The following IL4R variants were observed in gnomAD, a reference collection of about 807,000 sequenced individuals.
IL4R encodes the protein interleukin-4 receptor subunit alpha.
In IL4R, 17 loss-of-function variants were observed where a neutral mutation model predicts 41.5. The ratio of observed to expected loss-of-function variants is 0.41; its 90% CI spans 0.28 to 0.61. IL4R has a LOEUF of 0.61. Ranked by LOEUF, IL4R falls within the 20% of genes least tolerant of loss-of-function variation. The pLI, the probability that IL4R is intolerant of heterozygous loss-of-function variation, is 0.31. For missense variants in IL4R, 974 were observed against 1,043.1 expected (o/e 0.93, Z 0.91); for synonymous variants, 402 against 422.9 (o/e 0.95, Z 0.61).
chr16:27,360,694 C>A lies in IL4R; in HGVS notation c.850-72C>A, dbSNP rs1055830674. 8 of 1,598,322 alleles carry A rather than the reference C, an allele frequency of 5.0e-6. No individual in the cohort carries two copies. In the African/African-American group the frequency reaches 9.4e-5, roughly 19 times the overall value. On this transcript the variant is annotated intron_variant, in intron 9 of 10. Coordinates refer to ENST00000395762, the MANE Select transcript of IL4R (RefSeq NM_000418.4). ...GTGATGTCGAGGCTTGTACCCCTTC[C>A]TGAGCATTGCCGTACTCCAGGCCGG...
intron 2 of IL4R, among the ~76,000 whole-genome samples, chr16:27,333,151 G>C (rs957444160): frequency 6.6e-6 from 1 of 151,362 alleles, no homozygotes; most frequent in African/African-American, 2.4e-5. Context: ...GTTGTGAGAT[G>C]TAACAGTCTA....
chr16:27,355,952 A>C, intron 8 of IL4R, 45 bp downstream of exon 8: 1 of 1,363,384 alleles, frequency 7.3e-7, no homozygotes, highest in South Asian at 1.2e-5. Flanking sequence ...TCTGGAGTGC[A>C]GGGTGGCAGG....
In IL4R at chr16:27,363,285, C is replaced by A; in HGVS notation, c.1933C>A (p.Pro645Thr). ...QDLIPGCPGD[P>T]APVPVPLFTF... ...CCTCATTCCTGGCTGCCCTGGGGACCCTGCCCCAGTCCCTGTCCCCTTGTT... is the reference window on the plus strand; with the variant it reads ...CCTCATTCCTGGCTGCCCTGGGGACACTGCCCCAGTCCCTGTCCCCTTGTT... The change falls in exon 11 of 11, where the codon CCT becomes ACT. Residue 645 changes from proline to threonine, a missense_variant. Transcript: ENST00000395762. The A allele has an allele frequency of 1.9e-6, 3 of 1,604,368 alleles. No homozygotes were observed. Among genetic ancestry groups the A allele is most frequent in the Admixed American group, 1.7e-5 (1 of 59,354 alleles).
intron 2 of IL4R, among the ~76,000 whole-genome samples, chr16:27,332,577 G>A (rs572675358): frequency 3.9e-5 from 6 of 151,970 alleles, no homozygotes; most frequent in Admixed American, 1.3e-4. Context: ...TTTTTGATTC[G>A]CCTAGGTAGA....
intron 7 of IL4R, chr16:27,355,447 G>A: frequency 3.2e-6 from 1 of 315,252 alleles, no homozygotes; most frequent in Non-Finnish European, 6.2e-6. Context: ...CCATAGTACA[G>A]ATGAGGATGC....
Position 27,362,383 on chromosome 16 carries a change from T to G in IL4R, c.1031T>G (p.Val344Gly). 6.2e-7 allele frequency: 1 copy of G among 1,613,954 alleles called. No individual in the cohort carries two copies. The highest frequency in any genetic ancestry group is 1.3e-5 in the African/African-American group (1 of 74,948). The change falls in exon 11 of 11, where the codon GTG becomes GGG. Residue 344 changes from valine (V) to glycine (G), a missense_variant. Val to Gly is a moderately radical substitution (Grantham distance 109). Around this residue, in one of 3 missense-constraint regions of IL4R, gnomAD observed 682 missense variants for 704.3 expected, o/e 0.97. Transcript: ENST00000395762. ...QGSGKSAWCP[V>G]EISKTVLWPE... Reference sequence around the variant, plus strand: ...TCTGGAAAATCAGCATGGTGCCCAGTGGAGATCAGCAAGACAGTCCTCTGG... The same window carrying G: ...TCTGGAAAATCAGCATGGTGCCCAGGGGAGATCAGCAAGACAGTCCTCTGG...
At chr16:27,314,174 G>A in intron 1 of IL4R, 154 bp downstream of exon 1, 1 of 910,838 alleles carries the variant, frequency 1.1e-6, no homozygotes, top group Non-Finnish European at 1.3e-6. Context: ...CGGTGCGCGC[G>A]GAGCAGCGCC....
intron 1 of IL4R, among the ~76,000 whole-genome samples, chr16:27,321,079 G>A (rs2084801916): frequency 6.6e-6 from 1 of 152,020 alleles, no homozygotes; most frequent in Admixed American, 6.6e-5. Context: ...GAGTAGCTGG[G>A]ATTTCAGGCA....
Position 27,362,745 on chromosome 16 carries a change from C to G in IL4R, c.1393C>G (p.Leu465Val). 1 of 1,614,124 alleles carries G rather than the reference C, an allele frequency of 6.2e-7. No homozygotes were observed. The highest frequency in any genetic ancestry group is 1.1e-5 in the South Asian group (1 of 91,084). Residue 465 changes from leucine (L) to valine (V), a missense_variant, in exon 11 of 11, where the codon CTC becomes GTC. Coordinates refer to ENST00000395762, the MANE Select transcript of IL4R (RefSeq NM_000418.4). ...ACCTCCCTGGGGCAAGGAGCAGCCT[C>G]TCCACCTGGAGCCAAGTCCTCCTGC... ...EAPPWGKEQP[L>V]HLEPSPPASP...
At chr16:27,353,339 C>G (rs1167278986) in intron 7 of IL4R, among the ~76,000 whole-genome samples, 1 of 147,504 alleles carries the variant, frequency 6.8e-6, no homozygotes, top group African/African-American at 2.5e-5. Context: ...TAAATAAATA[C>G]AATGAAATAA....
chr16:27,323,281 C>T (rs566291178), intron 1 of IL4R, among the ~76,000 whole-genome samples: 215 of 152,340 alleles, frequency 1.4e-3, no homozygotes, highest in Non-Finnish European at 1.9e-3. Flanking sequence ...AAATTCCTAC[C>T]TGGTTACTTC....
chr16:27,360,714 G>C (rs2086252378), intron 9 of IL4R, 52 bp from the exon 10 acceptor site: 2 of 1,613,196 alleles, frequency 1.2e-6, no homozygotes, highest in Non-Finnish European at 1.7e-6. Context: ...CCGTACTCCA[G>C]GCCGGGCTGC....
At chr16:27,347,791 A>G (rs568312264) in intron 6 of IL4R, among the ~76,000 whole-genome samples, 1 of 152,220 alleles carries the variant, frequency 6.6e-6, no homozygotes, top group African/African-American at 2.4e-5. Flanking sequence ...GGCATATCCC[A>G]TAACCTCTTT....
At chr16:27,326,593 G>A (rs1318259788) in intron 1 of IL4R, among the ~76,000 whole-genome samples, 5 of 152,132 alleles carry the variant, frequency 3.3e-5, no homozygotes, top group African/African-American at 1.2e-4. Flanking sequence ...TTGAGCCCAG[G>A]AGTTCAAGGC....
chr16:27,333,355 C>T (rs541966765), intron 2 of IL4R, among the ~76,000 whole-genome samples: 135 of 152,012 alleles, frequency 8.9e-4, no homozygotes, highest in African/African-American at 2.6e-3. Flanking sequence ...CAACTCTGCC[C>T]GGCTCATTTT....
Position 27,352,594 on chromosome 16 carries a change from A to G in IL4R, c.568A>G (p.Thr190Ala). ...LEPSLRIAAS[T>A]LKSGISYRAR... ...ACCCTCCCTCCGCATCGCAGCCAGC[A>G]CCCTGAAGTCTGGGATTTCCTACAG... Residue 190 changes from threonine to alanine, a missense_variant, in exon 7 of 11, where the codon ACC (threonine) becomes GCC (alanine). By Grantham distance (58) the Thr-to-Ala change is moderately conservative. Around this residue, in one of 3 missense-constraint regions of IL4R, gnomAD observed 284 missense variants for 313.4 expected, o/e 0.91. Transcript: ENST00000395762. 6.2e-7 allele frequency: 1 copy of G among 1,614,136 alleles called. No homozygotes were observed. Among genetic ancestry groups the G allele is most frequent in the Non-Finnish European group, 8.5e-7 (1 of 1,180,008 alleles).
rs3024628 is a variant in IL4R, at chr16:27,354,506, G to A, written c.671-1302G>A. ...ATCTCATTGGCCAAGACTGTTACAT[G>A]TTACATGGTTACTGTTATTACTTGC... On this transcript the variant is annotated intron_variant, in intron 7 of 10. Coordinates refer to ENST00000395762, the MANE Select transcript of IL4R (RefSeq NM_000418.4). Among the ~76,000 whole-genome samples the A allele has an allele frequency of 1.4e-3, 215 of 152,306 alleles. 1 individual carries two copies. Among genetic ancestry groups the A allele is most frequent in the Middle Eastern group, 6.8e-3 (2 of 294 alleles).
intron 6 of IL4R, among the ~76,000 whole-genome samples, chr16:27,347,036 C>A (rs1272460252): frequency 6.6e-6 from 1 of 152,138 alleles, no homozygotes. Context: ...GGAGGAAGTC[C>A]CCATACAGCT....
intron 6 of IL4R, among the ~76,000 whole-genome samples, chr16:27,351,989 A>G (rs947978644): frequency 6.6e-6 from 1 of 152,248 alleles, no homozygotes; most frequent in Non-Finnish European, 1.5e-5. Flanking sequence ...GGACTTGACC[A>G]TGGAGACACT....
Sources: allele counts gnomAD v4.1 joint callset (sites outside exome capture counted in the v4.1 genomes callset), GRCh38; gene constraint gnomAD v4.1.1; regional missense constraint gnomAD v4.1.1; transcripts MANE v1.5; gene names NCBI Gene and HGNC (gene_info 2026-07-23, HGNC 2026-07-21).